Variants in GPR55 observed in about 807,000 individuals in gnomAD.
The protein encoded by GPR55 is G protein-coupled receptor 55.
Under a neutral mutation model 7.9 loss-of-function variants are expected in GPR55, and 6 were observed. The ratio of observed to expected loss-of-function variants is 0.76; its 90% CI spans 0.41 to 1.49. The LOEUF is 1.49. Among genes scored for constraint, GPR55 ranks in the 40% most tolerant of loss-of-function variants. GPR55 has a pLI of 0.01. For missense variants in GPR55, 376 were observed against 406.0 expected (o/e 0.93, Z 0.63); for synonymous variants, 183 against 166.8 (o/e 1.10, Z -0.75).
intron 1 of GPR55, among the ~76,000 whole-genome samples, chr2:230,958,627 T>G (rs957567743): frequency 5.3e-5 from 8 of 152,218 alleles, no homozygotes; most frequent in African/African-American, 1.9e-4. Flanking sequence ...ATTGTTTCCA[T>G]TTTTAGATCC....
intron 1 of GPR55, among the ~76,000 whole-genome samples, chr2:230,920,507 A>G (rs1051082729): frequency 6.6e-6 from 1 of 152,302 alleles, no homozygotes; most frequent in Admixed American, 6.5e-5. Context: ...AAATTGAAAA[A>G]TAAACAAGTT....
At chr2:230,920,047 G>A (rs1033620355) in intron 1 of GPR55, among the ~76,000 whole-genome samples, 1 of 150,930 alleles carries the variant, frequency 6.6e-6, no homozygotes, top group African/African-American at 2.4e-5. Flanking sequence ...TCTAGCAGTT[G>A]GAAGGTGGGT....
At position 230,909,780 on chromosome 2, in the gene GPR55, G is replaced by A. The variant is rs1690542106; in HGVS notation, c.*223C>T. On this transcript the variant is annotated 3_prime_UTR_variant, in exon 2 of 2. Transcript: ENST00000650999. ...AATCAGTAATTCACCTGGTCTGTGG[G>A]TTCTTCAGAGATCCCTGAACACTGG... is the stretch of plus-strand genomic sequence containing the variant. The A allele has an allele frequency of 3.7e-6, 2 of 542,484 alleles. No homozygotes were observed. The highest frequency in any genetic ancestry group is 6.3e-5 in the Admixed American group (2 of 31,934). The allele number at this position is 542,484 out of a possible 1,614,324, so 33.6% of individuals were successfully genotyped here.
At chr2:230,918,043 A>T (rs1264819919) in intron 1 of GPR55, among the ~76,000 whole-genome samples, 1 of 152,232 alleles carries the variant, frequency 6.6e-6, no homozygotes, top group African/African-American at 2.4e-5. Context: ...TAAGCACTTA[A>T]CTTGAGCATT....
Position 230,910,446 on chromosome 2 carries a change from A to G in GPR55, c.517T>C (p.Ser173Pro). Residue 173 changes from serine (S) to proline (P), a missense_variant, in exon 2 of 2, where the codon TCT (serine) becomes CCT (proline). Coordinates refer to ENST00000650999, the MANE Select transcript of GPR55 (RefSeq NM_005683.4). This position sits in a 1 kb window ranked among gnomAD's most constrained non-coding sequence, Gnocchi z 5.4. ...ACCTTGGCGCTCCAGGTATCATCAG[A>G]CATGTTGTGGAAGCACATGTATTTT... Reference protein sequence around the residue: ...VEKYMCFHNMSDDTWSAKVFF... With the variant: ...VEKYMCFHNMPDDTWSAKVFF... The G allele has an allele frequency of 6.2e-7, 1 of 1,614,014 alleles. No homozygotes were observed.
In GPR55 at chr2:230,910,957, ACT is replaced by A. The variant is rs1307375953; in HGVS notation, c.4_5del (p.Gln3AlafsTer10). The A allele has an allele frequency of 1.9e-6, 3 of 1,593,404 alleles. No homozygotes were observed. Among genetic ancestry groups the A allele is most frequent in the East Asian group, 4.5e-5 (2 of 44,490 alleles). On this transcript the variant is annotated frameshift_variant, in exon 2 of 2. Transcript: ENST00000650999. LOFTEE classifies it low-confidence loss of function (END_TRUNC). This position sits in a 1 kb window ranked among gnomAD's most constrained non-coding sequence, Gnocchi z 5.4. ...GGCAGTCCCCACTGGTGTTTTGCTG[ACT>A]CATGTTTCTTCCTACAACACCAACA... is the stretch of plus-strand genomic sequence containing the variant. M[S>X]QQNTSGDCLF...
In GPR55 at chr2:230,910,169, C is replaced by G; in HGVS notation, c.794G>C (p.Ser265Thr). 1 of 1,614,000 alleles carries G rather than the reference C, an allele frequency of 6.2e-7. No homozygotes were observed. The highest frequency in any genetic ancestry group is 8.5e-7 in the Non-Finnish European group (1 of 1,179,842). Residue 265 changes from serine (S) to threonine (T), a missense_variant, in exon 2 of 2, where the codon AGC (serine) becomes ACC (threonine). By Grantham distance (58) the Ser-to-Thr change is moderately conservative. Transcript: ENST00000650999. This position sits in a 1 kb window ranked among gnomAD's most constrained non-coding sequence, Gnocchi z 5.4. ...SFIVECRAKQ[S>T]ISFFLQLSMC... ...GGACAATTGCAAGAAGAAGCTGATG[C>G]TCTGCTTGGCTCTGCACTCTACGAT...
At chr2:230,946,913 C>T (rs1417274898) in intron 1 of GPR55, among the ~76,000 whole-genome samples, 3 of 152,210 alleles carry the variant, frequency 2.0e-5, no homozygotes, top group African/African-American at 7.2e-5. Context: ...AGACACACAC[C>T]AAACTAGAGA....
Position 230,907,799 on chromosome 2 carries a change from A to G in GPR55, c.*2204T>C, listed in dbSNP as rs1469872607. The G allele has an allele frequency of 1.3e-5, 2 of 152,256 alleles. No homozygotes were observed. The highest frequency in any genetic ancestry group is 4.8e-5 in the African/African-American group (2 of 41,436). The allele number at this position is 152,256 out of a possible 1,614,324, so 9.4% of individuals were successfully genotyped here. A position where few individuals can be genotyped will look rare whatever the true frequency, so the allele number is the denominator to read the frequency against. ...CATAGATAAGATTTTATGTTTGAAC[A>G]TCGCTGGGGATGATAGTTGGTTAGG... On this transcript the variant is annotated 3_prime_UTR_variant, in exon 2 of 2. Coordinates refer to ENST00000650999, the MANE Select transcript of GPR55 (RefSeq NM_005683.4).
Position 230,923,227 on chromosome 2 carries a change from A to G in GPR55, c.-135+1941T>C, listed in dbSNP as rs1221510825. ...CTGTGGCCTGGACTTTCCAGAGAACACAAGCAACAAGAAGATCACAACCCT... is the reference window on the plus strand; with the variant it reads ...CTGTGGCCTGGACTTTCCAGAGAACGCAAGCAACAAGAAGATCACAACCCT... On this transcript the variant is annotated intron_variant, in intron 1 of 1. Coordinates refer to ENST00000650999, the MANE Select transcript of GPR55 (RefSeq NM_005683.4). The surrounding 1 kb of genome is among the most constrained non-coding windows in gnomAD (Gnocchi z 4.1). 3.3e-5 allele frequency among the ~76,000 whole-genome samples: 5 copies of G among 152,170 alleles called. No homozygotes were observed. The highest frequency in any genetic ancestry group is 7.4e-5 in the Non-Finnish European group (5 of 68,026).
rs1454465573 is a variant in GPR55, at chr2:230,910,138, A to G, written c.825T>C (p.Cys275=). Residue 275 remains cysteine (C), a synonymous_variant, in exon 2 of 2, where the codon TGT becomes TGC. Coordinates refer to ENST00000650999, the MANE Select transcript of GPR55 (RefSeq NM_005683.4). This position sits in a 1 kb window ranked among gnomAD's most constrained non-coding sequence, Gnocchi z 5.4. ...CCAGGCAGCAGTTGACGTTGGAGAA[A>G]CACATGGACAATTGCAAGAAGAAGC... ...SISFFLQLSM[C]FSNVNCCLDV... 4.3e-6 allele frequency: 7 copies of G among 1,614,180 alleles called. No individual in the cohort carries two copies. The highest frequency in any genetic ancestry group is 5.9e-6 in the Non-Finnish European group (7 of 1,180,022).
chr2:230,918,967 A>T (rs1164742580), intron 1 of GPR55, among the ~76,000 whole-genome samples: 2 of 152,144 alleles, frequency 1.3e-5, no homozygotes, highest in Non-Finnish European at 2.9e-5. Flanking sequence ...AAAATCTCAG[A>T]CTATGCACTA....
At position 230,911,086 on chromosome 2, in the gene GPR55, T is replaced by C; in HGVS notation, c.-124A>G. 1.0e-6 allele frequency: 1 copy of C among 971,922 alleles called. No homozygotes were observed. The highest frequency in any genetic ancestry group is 1.6e-6 in the Non-Finnish European group (1 of 641,536). The allele number at this position is 971,922 out of a possible 1,614,324, so 60.2% of individuals were successfully genotyped here. ...AGCATCACACAGCAATTCATGCCCA[T>C]TGAATCACAACTAGAACACAGAAAA... On this transcript the variant is annotated 5_prime_UTR_variant, in exon 2 of 2. It removes an upstream start codon present in the reference 5' UTR. Coordinates refer to ENST00000650999, the MANE Select transcript of GPR55 (RefSeq NM_005683.4).
chr2:230,914,936 G>T (rs1323854143), intron 1 of GPR55, among the ~76,000 whole-genome samples: 4 of 152,232 alleles, frequency 2.6e-5, no homozygotes, highest in Non-Finnish European at 4.4e-5. Context: ...CCACCTGCAG[G>T]TCTGACTCTG....
chr2:230,939,752 G>T (rs1478286747), intron 1 of GPR55, among the ~76,000 whole-genome samples: 1 of 152,166 alleles, frequency 6.6e-6, no homozygotes, highest in Non-Finnish European at 1.5e-5. Flanking sequence ...GGTAGAACCA[G>T]GTGAGGAGAT....
chr2:230,946,374 A>G (rs1007550326), intron 1 of GPR55, among the ~76,000 whole-genome samples: 2 of 152,174 alleles, frequency 1.3e-5, no homozygotes, highest in African/African-American at 4.8e-5. Flanking sequence ...TGTTCTCACC[A>G]CACACACACA....
Position 230,911,036 on chromosome 2 carries a change from TGTCAA to T in GPR55, c.-79_-75del. The T allele has an allele frequency of 6.8e-7, 1 of 1,468,146 alleles. No individual in the cohort carries two copies. The highest frequency in any genetic ancestry group is 9.2e-7 in the Non-Finnish European group (1 of 1,085,064). 90.9% of individuals were successfully genotyped at this position (1,468,146 alleles called of 1,614,324 possible). On this transcript the variant is annotated 5_prime_UTR_variant, in exon 2 of 2. Coordinates refer to ENST00000650999, the MANE Select transcript of GPR55 (RefSeq NM_005683.4). ...TTGAAGTGATGGATTCAAATGACTT[TGTCAA>T]GAATCACAAACACCTCCCCAGCATC...
chr2:230,933,609 C>A (rs537940989), intron 1 of GPR55, among the ~76,000 whole-genome samples: 26 of 152,372 alleles, frequency 1.7e-4, no homozygotes, highest in African/African-American at 6.3e-4. Flanking sequence ...CACCCTCAGT[C>A]CCCTTAGGCT....
chr2:230,920,377 T>C (rs933815246), intron 1 of GPR55, among the ~76,000 whole-genome samples: 2 of 152,054 alleles, frequency 1.3e-5, no homozygotes, highest in Non-Finnish European at 2.9e-5. Flanking sequence ...CATTTCAAGA[T>C]GGGGCTGGGA....
Sources: allele counts gnomAD v4.1 joint callset (sites outside exome capture counted in the v4.1 genomes callset), GRCh38; gene constraint gnomAD v4.1.1; non-coding constraint Gnocchi (gnomAD v3.1); transcripts MANE v1.5; gene names NCBI Gene and HGNC (gene_info 2026-07-23, HGNC 2026-07-21).